The following NKAIN3 variants were observed in gnomAD, a reference collection of about 807,000 sequenced individuals.
NKAIN3 encodes the protein sodium/potassium-transporting ATPase subunit beta-1-interacting protein 3.
In NKAIN3, 25 loss-of-function variants were observed where a neutral mutation model predicts 30.2. That is an observed-to-expected ratio of 0.83 (90% CI 0.60 to 1.16). NKAIN3 has a LOEUF of 1.16. Ranked by LOEUF, NKAIN3 falls within the 50% of genes most tolerant of loss-of-function variation. The pLI, the probability that NKAIN3 is intolerant of heterozygous loss-of-function variation, is 0.00. For missense variants in NKAIN3, 225 were observed against 254.1 expected, an observed-to-expected ratio of 0.89 and a Z score of 0.78; for synonymous variants, 91 against 89.6, an observed-to-expected ratio of 1.02 and a Z score of -0.09.
intron 1 of NKAIN3, among the ~76,000 whole-genome samples, chr8:62,489,078 T>C (rs1052629187): frequency 2.6e-5 from 4 of 152,164 alleles, no homozygotes; most frequent in African/African-American, 9.6e-5. Flanking sequence ...TAAGTATATA[T>C]AGATCTTGGC....
At chr8:62,256,784 G>A (rs192884012) in intron 1 of NKAIN3, among the ~76,000 whole-genome samples, 1 of 152,308 alleles carries the variant, frequency 6.6e-6, no homozygotes. Context: ...GTCCAGGACA[G>A]TAAAGATCAC....
intron 1 of NKAIN3, among the ~76,000 whole-genome samples, chr8:62,441,975 A>C (rs1805340022): frequency 6.6e-6 from 1 of 152,068 alleles, no homozygotes; most frequent in Admixed American, 6.6e-5. Flanking sequence ...GCATTTGGGA[A>C]AATCATATAC....
At chr8:62,857,416 C>T (rs1241349793) in intron 4 of NKAIN3, among the ~76,000 whole-genome samples, 13 of 152,198 alleles carry the variant, frequency 8.5e-5, no homozygotes, top group Admixed American at 8.5e-4. Flanking sequence ...AGGAAGTTCT[C>T]CTGGATGATA....
At chr8:62,725,765 A>G (rs1342274675) in intron 3 of NKAIN3, among the ~76,000 whole-genome samples, 1 of 152,092 alleles carries the variant, frequency 6.6e-6, no homozygotes, top group African/African-American at 2.4e-5. Flanking sequence ...TATAATTTTA[A>G]GTCTGGTAAT....
chr8:62,388,759 G>T (rs1817504375), intron 1 of NKAIN3, among the ~76,000 whole-genome samples: 1 of 152,196 alleles, frequency 6.6e-6, no homozygotes, highest in Admixed American at 6.5e-5. Context: ...AGCCGGCTCT[G>T]GTTGCTGTCG....
At chr8:62,691,406 C>A (rs2130443682) in intron 3 of NKAIN3, among the ~76,000 whole-genome samples, 1 of 152,074 alleles carries the variant, frequency 6.6e-6, no homozygotes, top group East Asian at 1.9e-4. Flanking sequence ...GATGTTGAGG[C>A]TGAGCGCTAG....
chr8:62,819,548 A>T lies in NKAIN3; in HGVS notation c.471+72419A>T, dbSNP rs556573432. On this transcript the variant is annotated intron_variant, in intron 4 of 6. Coordinates refer to ENST00000623646, the MANE Select transcript of NKAIN3 (RefSeq NM_001304533.3). ...ATAGATAGCATTGATTAATTGTCTC[A>T]GTCATGGTAGTAATATTTTCTTCTC... Among the ~76,000 whole-genome samples the T allele has an allele frequency of 5.3e-5, 8 of 152,200 alleles. No individual in the cohort carries two copies. In the South Asian group the frequency reaches 1.7e-3, roughly 32 times the overall value.
intron 4 of NKAIN3, among the ~76,000 whole-genome samples, chr8:62,768,495 G>A (rs1816915245): frequency 6.6e-6 from 1 of 152,126 alleles, no homozygotes; most frequent in Non-Finnish European, 1.5e-5. Flanking sequence ...AGTTCTCTCT[G>A]CCCCAAAAGT....
At chr8:62,872,333 C>T (rs1476369653) in intron 4 of NKAIN3, among the ~76,000 whole-genome samples, 3 of 152,172 alleles carry the variant, frequency 2.0e-5, no homozygotes, top group African/African-American at 7.2e-5. Flanking sequence ...ACATGTAGTG[C>T]AAGGAATTTG....
Position 62,971,047 on chromosome 8 carries a change from C to G in NKAIN3, c.*5640C>G, listed in dbSNP as rs1823821336. Reference sequence around the variant, plus strand: ...TCAGCAAAGAGCCGGATGTGATTTCCCTAGAGACAAGGACCGAGACTCCTC... The same window carrying G: ...TCAGCAAAGAGCCGGATGTGATTTCGCTAGAGACAAGGACCGAGACTCCTC... On this transcript the variant is annotated 3_prime_UTR_variant, in exon 7 of 7. Transcript: ENST00000623646. Among the ~76,000 whole-genome samples the G allele has an allele frequency of 7.6e-6, 1 of 132,132 alleles. No individual in the cohort carries two copies. Among genetic ancestry groups the G allele is most frequent in the Non-Finnish European group, 1.6e-5 (1 of 63,370 alleles). 86.7% of individuals were successfully genotyped at this position (132,132 alleles called of 152,430 possible). A position where few individuals can be genotyped will look rare whatever the true frequency, so the allele number is the denominator to read the frequency against.
At chr8:62,955,696 T>C (rs1823401489) in intron 6 of NKAIN3, among the ~76,000 whole-genome samples, 1 of 152,228 alleles carries the variant, frequency 6.6e-6, no homozygotes. Context: ...TGTACCTATG[T>C]ACCTCAAAAG....
chr8:62,873,830 A>G lies in NKAIN3; in HGVS notation c.472-44623A>G, dbSNP rs188108707. Among the ~76,000 whole-genome samples, 1,234 of 152,252 alleles carry G rather than the reference A, an allele frequency of 8.1e-3. 21 individuals are homozygous for G. The highest frequency in any genetic ancestry group is 0.029 in the African/African-American group (1,194 of 41,546). On this transcript the variant is annotated intron_variant, in intron 4 of 6. Transcript: ENST00000623646. ...TACCAGAATCTCTGGGTTATGGCTAAAGCAGTGTTAACAGGGAAATTTATA... is the reference window on the plus strand; with the variant it reads ...TACCAGAATCTCTGGGTTATGGCTAGAGCAGTGTTAACAGGGAAATTTATA...
chr8:62,464,423 A>G (rs1460954942), intron 1 of NKAIN3, among the ~76,000 whole-genome samples: 2 of 152,212 alleles, frequency 1.3e-5, no homozygotes, highest in Non-Finnish European at 2.9e-5. Flanking sequence ...ATTTGGATTC[A>G]CACAGAAGCA....
chr8:62,627,707 C>T (rs1051753674), intron 3 of NKAIN3, among the ~76,000 whole-genome samples: 1 of 152,072 alleles, frequency 6.6e-6, no homozygotes, highest in African/African-American at 2.4e-5. Flanking sequence ...AAAAACTCAT[C>T]ATTTCCTGGT....
At chr8:62,542,985 G>A (rs757890544) in intron 1 of NKAIN3, among the ~76,000 whole-genome samples, 3 of 152,158 alleles carry the variant, frequency 2.0e-5, no homozygotes, top group Non-Finnish European at 4.4e-5. Flanking sequence ...GATCTCAGGA[G>A]CACATAATGA....
intron 1 of NKAIN3, among the ~76,000 whole-genome samples, chr8:62,452,397 A>T (rs1805667915): frequency 1.3e-5 from 2 of 152,146 alleles, no homozygotes; most frequent in Admixed American, 1.3e-4. Flanking sequence ...AATCACTTGA[A>T]TCTGGGAGGC....
chr8:62,433,125 C>G (rs1001667605), intron 1 of NKAIN3, among the ~76,000 whole-genome samples: 3 of 152,116 alleles, frequency 2.0e-5, no homozygotes, highest in Admixed American at 1.3e-4. Context: ...ATTTTTGCCA[C>G]TTTTTGATTC....
chr8:62,640,297 T>C (rs1812269353), intron 3 of NKAIN3, among the ~76,000 whole-genome samples: 3 of 152,206 alleles, frequency 2.0e-5, no homozygotes, highest in African/African-American at 7.2e-5. Context: ...GCTCTTCTCA[T>C]GATAGTGAGT....
intron 3 of NKAIN3, among the ~76,000 whole-genome samples, chr8:62,734,776 C>A (rs1815595396): frequency 6.6e-6 from 1 of 152,236 alleles, no homozygotes; most frequent in African/African-American, 2.4e-5. Context: ...ATAGTGATAT[C>A]TGTGAATTTA....
Sources: gnomAD v4.1 joint callset for allele counts (sites outside exome capture counted in the v4.1 genomes callset) on GRCh38, gnomAD v4.1.1 for gene constraint, MANE v1.5 for transcripts, NCBI Gene and HGNC (gene_info 2026-07-23, HGNC 2026-07-21) for gene names.